SLC26A8: variants seen among roughly 807,000 people sequenced by gnomAD.
SLC26A8 encodes testis anion transporter 1.
In SLC26A8, 70 loss-of-function variants were observed where a neutral mutation model predicts 105.0. The observed-to-expected ratio is 0.67, with a 90% CI of 0.55 to 0.81. SLC26A8 has a LOEUF of 0.81. Ranked by LOEUF, SLC26A8 falls within the 40% of genes least tolerant of loss-of-function variation. SLC26A8 has a pLI of 0.00. For synonymous variants in SLC26A8, 415 were observed against 438.3 expected, an observed-to-expected ratio of 0.95 and a Z score of 0.66; for missense variants, 998 against 1,181.8, an observed-to-expected ratio of 0.84 and a Z score of 2.28.
chr6:35,968,448 G>A (rs900706496), intron 11 of SLC26A8, among the ~76,000 whole-genome samples: 5 of 150,280 alleles, frequency 3.3e-5, no homozygotes, highest in Admixed American at 6.6e-5. Context: ...CCAGTTATAC[G>A]GTGTATAACT....
At chr6:35,985,490 C>A (rs1035732512) in intron 7 of SLC26A8, among the ~76,000 whole-genome samples, 1 of 151,616 alleles carries the variant, frequency 6.6e-6, no homozygotes, top group Non-Finnish European at 1.5e-5. Flanking sequence ...GTCAGGAGAT[C>A]GAGACCATCC....
At chr6:36,009,191 A>G (rs146611788) in intron 3 of SLC26A8, among the ~76,000 whole-genome samples, 2,065 of 152,280 alleles carry the variant, frequency 0.014, 53 homozygotes, top group African/African-American at 0.047. Context: ...GTCTCTACTA[A>G]AAGACAAAAG....
intron 11 of SLC26A8, among the ~76,000 whole-genome samples, chr6:35,965,319 C>T (rs193242492): frequency 9.1e-4 from 138 of 152,178 alleles, no homozygotes; most frequent in African/African-American, 2.8e-3. Context: ...AGGATTTATA[C>T]GCACAAGCAT....
chr6:35,983,875 A>AGATT (rs1339546344), intron 7 of SLC26A8, among the ~76,000 whole-genome samples: 1 of 152,094 alleles, frequency 6.6e-6, no homozygotes, highest in Non-Finnish European at 1.5e-5. Context: ...TCTTAAGTAC[A>AGATT]GATTGATAGA....
intron 19 of SLC26A8, among the ~76,000 whole-genome samples, chr6:35,947,060 G>A (rs948519458): frequency 2.0e-5 from 3 of 151,226 alleles, no homozygotes; most frequent in Non-Finnish European, 3.0e-5. Context: ...ACAGGGTCTC[G>A]CTCTGTTGCC....
chr6:35,988,191 G>A lies in SLC26A8; in HGVS notation c.942+3468C>T, dbSNP rs549567331. 5.9e-5 allele frequency among the ~76,000 whole-genome samples: 9 copies of A among 152,232 alleles called. No individual in the cohort carries two copies. The East Asian group carries it at 7.7e-4, about 13-fold the overall frequency. ...CTCCCAAAGTGCTGAGATTATAGGC[G>A]TGAGCCACCGTGCCCGGCCCCGAAT... is the stretch of plus-strand genomic sequence containing the variant. On this transcript the variant is annotated intron_variant, in intron 7 of 19. Coordinates refer to ENST00000490799, the MANE Select transcript of SLC26A8 (RefSeq NM_052961.4).
chr6:36,007,832 GTGT>G (rs576794230), intron 3 of SLC26A8, among the ~76,000 whole-genome samples: 136 of 152,232 alleles, frequency 8.9e-4, no homozygotes, highest in Admixed American at 2.4e-3. Context: ...TTTAAAAATG[GTGT>G]TGAGGCTGGG....
intron 2 of SLC26A8, among the ~76,000 whole-genome samples, chr6:36,016,605 T>C (rs1348512792): frequency 6.6e-6 from 1 of 152,218 alleles, no homozygotes; most frequent in Non-Finnish European, 1.5e-5. Flanking sequence ...ATTTTGGTAT[T>C]TTTGATATTT....
At chr6:35,982,879 T>C (rs1011484768) in intron 7 of SLC26A8, among the ~76,000 whole-genome samples, 4 of 152,162 alleles carry the variant, frequency 2.6e-5, no homozygotes, top group African/African-American at 7.2e-5. Context: ...TACCTGCTTT[T>C]CCCCCCTTTC....
rs1190065999 is a variant in SLC26A8, at chr6:35,981,501, G to T, written c.1025+620C>A. The stretch of plus-strand genomic sequence containing the variant: ...ACTAAAAATGCAAAAAATTAGCCAG[G>T]CGTGGCAGTGCACGGCGGTGTACAC... On this transcript the variant is annotated intron_variant, in intron 8 of 19. Transcript: ENST00000490799. This position sits in a 1 kb window ranked among gnomAD's most constrained non-coding sequence, Gnocchi z 4.0. Among the ~76,000 whole-genome samples, 2 of 152,074 alleles carry T rather than the reference G, an allele frequency of 1.3e-5. No homozygotes were observed. The highest frequency in any genetic ancestry group is 6.6e-5 in the Admixed American group (1 of 15,248).
intron 8 of SLC26A8, among the ~76,000 whole-genome samples, chr6:35,980,163 G>C (rs1278060395): frequency 2.0e-5 from 3 of 152,098 alleles, no homozygotes; most frequent in Admixed American, 6.5e-5. Flanking sequence ...AGTAGAGATG[G>C]GGTTTCACCA....
At chr6:35,982,667 CT>C (rs1291684908) in intron 7 of SLC26A8, among the ~76,000 whole-genome samples, 1 of 152,156 alleles carries the variant, frequency 6.6e-6, no homozygotes, top group Non-Finnish European at 1.5e-5. Flanking sequence ...CTTTAAACAT[CT>C]AGATTAATAT....
At chr6:35,964,540 G>A (rs999216594) in intron 11 of SLC26A8, among the ~76,000 whole-genome samples, 13 of 151,948 alleles carry the variant, frequency 8.6e-5, no homozygotes, top group African/African-American at 2.9e-4. Flanking sequence ...TCAGCCACTC[G>A]GGAGGCTGAG....
intron 6 of SLC26A8, among the ~76,000 whole-genome samples, chr6:35,992,161 G>A (rs1391951098): frequency 6.6e-6 from 1 of 152,134 alleles, no homozygotes; most frequent in Non-Finnish European, 1.5e-5. Flanking sequence ...ACTTAGTCTT[G>A]TATATCCTTT....
Position 35,958,733 on chromosome 6 carries a change from C to T in SLC26A8, c.1863+727G>A, listed in dbSNP as rs183892765. 2.4e-4 allele frequency among the ~76,000 whole-genome samples: 37 copies of T among 152,066 alleles called. 1 individual carries two copies. Among genetic ancestry groups the T allele is most frequent in the South Asian group, 4.1e-4 (2 of 4,820 alleles). On this transcript the variant is annotated intron_variant, in intron 16 of 19. Transcript: ENST00000490799. Reference sequence around the variant, plus strand: ...TGGAGGCATTTGTGTGTGTGTGTTGCGGGGGAGGATGTAAATCTTTGTGTA... The same window carrying T: ...TGGAGGCATTTGTGTGTGTGTGTTGTGGGGGAGGATGTAAATCTTTGTGTA...
At chr6:35,980,664 A>G (rs1031250508) in intron 8 of SLC26A8, among the ~76,000 whole-genome samples, 6 of 152,104 alleles carry the variant, frequency 3.9e-5, no homozygotes, top group African/African-American at 1.4e-4. Flanking sequence ...CCATCGTCAG[A>G]TTTCATTGAG....
intron 4 of SLC26A8, 108 bp downstream of exon 4, chr6:35,999,884 G>C: frequency 1.4e-6 from 1 of 709,654 alleles, no homozygotes; most frequent in Non-Finnish European, 2.4e-6. Context: ...TCCACCTCCT[G>C]CCTCCTTTCT....
chr6:35,968,605 GTGTGTATATATATATATA>G (rs1285412110), intron 11 of SLC26A8, among the ~76,000 whole-genome samples: 153 of 53,842 alleles, frequency 2.8e-3, no homozygotes, highest in African/African-American at 0.011. Context: ...GTGTGTGTGT[GTGTGTATATATATATATA>G]TATATATATA....
chr6:35,943,967 G>A lies in SLC26A8; in HGVS notation c.2846C>T (p.Ser949Leu), dbSNP rs1055058342. Reference protein sequence around the residue: ...TQSQTQTRTWSVERRRHPMDS... With the variant: ...TQSQTQTRTWLVERRRHPMDS... ...CATAGGATGGCGTCTCCTCTCCACT[G>A]ACCATGTCCGAGTCTGAGTCTGAGA... Residue 949 changes from serine (S) to leucine (L), a missense_variant, in exon 20 of 20, where the codon TCA becomes TTA. Ser to Leu is a moderately radical substitution (Grantham distance 145). Coordinates refer to ENST00000490799, the MANE Select transcript of SLC26A8 (RefSeq NM_052961.4). The A allele has an allele frequency of 1.9e-6, 3 of 1,614,018 alleles. No individual in the cohort carries two copies. In the South Asian group the frequency reaches 3.3e-5, roughly 18 times the overall value.
Sources: gnomAD v4.1 joint callset for allele counts (sites outside exome capture counted in the v4.1 genomes callset) on GRCh38, gnomAD v4.1.1 for gene constraint, Gnocchi (gnomAD v3.1) non-coding constraint, MANE v1.5 for transcripts, NCBI Gene and HGNC (gene_info 2026-07-23, HGNC 2026-07-21) for gene names.